The following DCSTAMP variants were observed in gnomAD, a reference collection of about 807,000 sequenced individuals.
DCSTAMP encodes dendrocyte expressed seven transmembrane protein.
A neutral mutation model predicts 33.8 loss-of-function variants in DCSTAMP; 25 were observed. That is an observed-to-expected ratio of 0.74 (90% CI 0.54 to 1.03). DCSTAMP has a LOEUF of 1.03. Ranked by LOEUF, DCSTAMP falls within the 50% of genes least tolerant of loss-of-function variation. The pLI, the probability that DCSTAMP is intolerant of heterozygous loss-of-function variation, is 0.00. For synonymous variants in DCSTAMP, 245 were observed against 216.7 expected, an observed-to-expected ratio of 1.13 and a Z score of -1.15; for missense variants, 531 against 556.8, an observed-to-expected ratio of 0.95 and a Z score of 0.47.
rs756763919 is a variant in DCSTAMP, at chr8:104,346,508, A to T, written c.-12-2033A>T. On this transcript the variant is annotated intron_variant, in intron 1 of 3. Coordinates refer to ENST00000297581, the MANE Select transcript of DCSTAMP (RefSeq NM_030788.4). The stretch of plus-strand genomic sequence containing the variant: ...TGATTCCAAAAGGAAGCAAGCTTTC[A>T]GGAAAAAGGAACTATGGCCTTTTGC... Among the ~76,000 whole-genome samples the T allele has an allele frequency of 8.9e-4, 135 of 152,362 alleles. 1 individual carries two copies. The highest frequency in any genetic ancestry group is 1.3e-3 in the Non-Finnish European group (86 of 68,030).
At chr8:104,351,841 A>G (rs1253760954) in intron 2 of DCSTAMP, among the ~76,000 whole-genome samples, 1 of 152,046 alleles carries the variant, frequency 6.6e-6, no homozygotes, top group Non-Finnish European at 1.5e-5. Context: ...TTTCTTTGTT[A>G]TATCTTGTTT....
rs67114147 is a variant in DCSTAMP, at chr8:104,349,126, G to C, written c.574G>C (p.Glu192Gln). The C allele has an allele frequency of 0.12, 199,112 of 1,614,064 alleles. 12,637 individuals carry two copies. The highest frequency in any genetic ancestry group is 0.18 in the Admixed American group (10,848 of 60,012). Residue 192 changes from glutamate (E) to glutamine (Q), a missense_variant, in exon 2 of 4, where the codon GAA (glutamate) becomes CAA (glutamine). Transcript: ENST00000297581. Reference protein sequence around the residue: ...LEAQLNDSKGEVLSVLYQMAT... With the variant: ...LEAQLNDSKGQVLSVLYQMAT... ...GGCACAGCTAAATGACAGCAAAGGG[G>C]AAGTCCTGAGCGTCTTGTACCAGAT... is the stretch of plus-strand genomic sequence containing the variant.
intron 2 of DCSTAMP, among the ~76,000 whole-genome samples, chr8:104,353,892 G>A (rs1430453839): frequency 6.6e-6 from 1 of 152,218 alleles, no homozygotes; most frequent in Admixed American, 6.5e-5. Flanking sequence ...ATTTACACTG[G>A]GAGTAGTTTA....
intron 1 of DCSTAMP, among the ~76,000 whole-genome samples, chr8:104,346,291 A>C (rs1810312270): frequency 6.6e-6 from 1 of 152,258 alleles, no homozygotes; most frequent in Admixed American, 6.5e-5. Flanking sequence ...GCAAAGAGTC[A>C]TGCCTGGGAG....
intron 2 of DCSTAMP, among the ~76,000 whole-genome samples, chr8:104,349,911 C>G (rs1320148871): frequency 6.6e-6 from 1 of 152,158 alleles, no homozygotes; most frequent in African/African-American, 2.4e-5. Context: ...AATCCAGGTG[C>G]TGTTGCCGCT....
At position 104,349,315 on chromosome 8, in the gene DCSTAMP, G is replaced by A; in HGVS notation, c.763G>A (p.Asp255Asn). The A allele has an allele frequency of 6.2e-7, 1 of 1,614,194 alleles. No homozygotes were observed. Among genetic ancestry groups the A allele is most frequent in the Non-Finnish European group, 8.5e-7 (1 of 1,180,046 alleles). ...CATCACCAGACAATTTGTTCAGTTT[G>A]ATGAAAGGGAGAGACATCAACAGAG... ...IYITRQFVQF[D>N]ERERHQQRPC... Residue 255 changes from aspartate (D) to asparagine (N), a missense_variant, in exon 2 of 4, where the codon GAT becomes AAT. Transcript: ENST00000297581.
intron 1 of DCSTAMP, among the ~76,000 whole-genome samples, chr8:104,343,856 A>G (rs1588369528): frequency 1.3e-5 from 2 of 152,094 alleles, no homozygotes; most frequent in African/African-American, 4.8e-5. Flanking sequence ...CCAGAACCCA[A>G]CCCTGCCAGA....
Position 104,349,062 on chromosome 8 carries a change from C to T in DCSTAMP, c.510C>T (p.Thr170=), listed in dbSNP as rs765227158. The T allele has an allele frequency of 1.2e-6, 2 of 1,614,022 alleles. No homozygotes were observed. The highest frequency in any genetic ancestry group is 1.1e-5 in the South Asian group (1 of 91,086). ...VFDDLVSWNQ[T]LAVSLFSPSH... ...ATGACCTTGTTTCTTGGAACCAGAC[C>T]CTGGCAGTCTCTCTTTTCAGTCCCA... Residue 170 remains threonine, a synonymous_variant, in exon 2 of 4, where the codon ACC becomes ACT. Coordinates refer to ENST00000297581, the MANE Select transcript of DCSTAMP (RefSeq NM_030788.4).
At chr8:104,352,503 C>T (rs1050877345) in intron 2 of DCSTAMP, among the ~76,000 whole-genome samples, 1 of 152,126 alleles carries the variant, frequency 6.6e-6, no homozygotes, top group Non-Finnish European at 1.5e-5. Context: ...CCCCTCAATT[C>T]TCCCTCTCTC....
intron 2 of DCSTAMP, among the ~76,000 whole-genome samples, chr8:104,352,161 T>C (rs1810478621): frequency 1.3e-5 from 2 of 152,130 alleles, no homozygotes; most frequent in South Asian, 2.1e-4. Context: ...TCTCTCTTTC[T>C]CTCTCAGGGC....
chr8:104,350,921 T>C (rs1041901820), intron 2 of DCSTAMP, among the ~76,000 whole-genome samples: 2 of 152,190 alleles, frequency 1.3e-5, no homozygotes, highest in South Asian at 4.1e-4. Flanking sequence ...GTAATTCTAA[T>C]GTGCAGCCAA....
At chr8:104,340,287 G>C (rs1039996707) in intron 1 of DCSTAMP, 2 of 152,178 alleles carry the variant, frequency 1.3e-5, no homozygotes, top group African/African-American at 4.8e-5. Flanking sequence ...TTGTGTGAAG[G>C]CTGCTTTCAC....
chr8:104,349,613 C>G (rs374422517), intron 2 of DCSTAMP, 32 bp downstream of exon 2: 534 of 1,574,132 alleles, frequency 3.4e-4, no homozygotes, highest in Non-Finnish European at 4.3e-4. Flanking sequence ...CATGGTTTAT[C>G]CCGGCTATTT....
chr8:104,356,126 T>C lies in DCSTAMP; in HGVS notation c.1341T>C (p.Ile447=), dbSNP rs71520881. The part of the protein sequence containing the change: ...KRRLSLYLTK[I]HFWLPVLKMI... Reference sequence around the variant, plus strand: ...TATCCACTTTTCTGTCTCTTCAGATTCATTTCTGGCTTCCAGTCCTGAAAA... The same window carrying C: ...TATCCACTTTTCTGTCTCTTCAGATCCATTTCTGGCTTCCAGTCCTGAAAA... Residue 447 remains isoleucine (I), a splice_region_variant and synonymous_variant, in exon 4 of 4, where the codon ATT becomes ATC. Coordinates refer to ENST00000297581, the MANE Select transcript of DCSTAMP (RefSeq NM_030788.4). 1.1e-3 allele frequency: 1,806 copies of C among 1,610,330 alleles called. 2 individuals are homozygous for C. The highest frequency in any genetic ancestry group is 1.4e-3 in the Non-Finnish European group (1,668 of 1,178,464).
chr8:104,352,605 A>T (rs1810492487), intron 2 of DCSTAMP, among the ~76,000 whole-genome samples: 1 of 152,026 alleles, frequency 6.6e-6, no homozygotes, highest in Non-Finnish European at 1.5e-5. Context: ...AGAGGGGAAA[A>T]AAAAAAGCAA....
At chr8:104,355,790 G>A (rs1810610936) in intron 3 of DCSTAMP, among the ~76,000 whole-genome samples, 1 of 152,082 alleles carries the variant, frequency 6.6e-6, no homozygotes, top group African/African-American at 2.4e-5. Context: ...AGGCCATCAG[G>A]AATACCAAAC....
At chr8:104,351,915 A>T (rs1311454936) in intron 2 of DCSTAMP, among the ~76,000 whole-genome samples, 1 of 152,130 alleles carries the variant, frequency 6.6e-6, no homozygotes, top group Non-Finnish European at 1.5e-5. Context: ...CCTCAAAAAC[A>T]CCAACAGCTG....
chr8:104,354,394 T>C (rs557325369), intron 2 of DCSTAMP, among the ~76,000 whole-genome samples: 2 of 152,316 alleles, frequency 1.3e-5, no homozygotes, highest in East Asian at 3.9e-4. Flanking sequence ...GGCTATGTTC[T>C]AAAGCAATCT....
At chr8:104,343,298 G>C (rs2140467092) in intron 1 of DCSTAMP, among the ~76,000 whole-genome samples, 1 of 152,306 alleles carries the variant, frequency 6.6e-6, no homozygotes, top group Non-Finnish European at 1.5e-5. Flanking sequence ...CAATAGTACA[G>C]GGTTAGAAAG....
Sources: gnomAD v4.1 joint callset for allele counts (sites outside exome capture counted in the v4.1 genomes callset) on GRCh38, gnomAD v4.1.1 for gene constraint, MANE v1.5 for transcripts, NCBI Gene and HGNC (gene_info 2026-07-23, HGNC 2026-07-21) for gene names.